CILK1: variants seen among roughly 807,000 people sequenced by gnomAD.
The protein encoded by CILK1 is ciliogenesis associated kinase 1.
In CILK1, 47 loss-of-function variants were observed where a neutral mutation model predicts 79.2. The ratio of observed to expected loss-of-function variants is 0.59; its 90% CI spans 0.47 to 0.76. The LOEUF (loss-of-function observed/expected upper bound fraction) is 0.76, where lower values mean the gene tolerates loss of function less well. CILK1 is among the 30% of genes least tolerant of loss of function. The probability of loss-of-function intolerance (pLI) is 0.00; values close to 1 mark genes in which losing one functional copy is unlikely to be tolerated. For synonymous variants in CILK1, 266 were observed against 275.9 expected (o/e 0.96, Z 0.36); for missense variants, 660 against 769.5 (o/e 0.86, Z 1.68).
intron 11 of CILK1, 33 bp from the exon 12 acceptor site, chr6:53,009,600 A>C: frequency 6.4e-7 from 1 of 1,553,446 alleles, no homozygotes; most frequent in Non-Finnish European, 8.9e-7. Flanking sequence ...AAAATGCAAA[A>C]TACACAATGA....
At chr6:53,031,354 C>T (rs1765949580) in intron 4 of CILK1, among the ~76,000 whole-genome samples, 2 of 152,152 alleles carry the variant, frequency 1.3e-5, no homozygotes, top group Admixed American at 1.3e-4. Flanking sequence ...AAAAAATCTC[C>T]TCTTTCCATG....
chr6:53,047,360 G>A (rs115488082), intron 1 of CILK1, among the ~76,000 whole-genome samples: 1 of 151,840 alleles, frequency 6.6e-6, no homozygotes, highest in South Asian at 2.1e-4. Context: ...CTGGAGTACA[G>A]TGGTGAAAAT....
chr6:53,013,873 G>C lies in CILK1; in HGVS notation c.941C>G (p.Pro314Arg). Reference sequence around the variant, plus strand: ...AGGTGGGACTGGCTTAATATAAGGAGGTGGGCCTGCCTTTTCCAGGATGCC... The same window carrying C: ...AGGTGGGACTGGCTTAATATAAGGACGTGGGCCTGCCTTTTCCAGGATGCC... ...QKGILEKAGP[P>R]PYIKPVPPAQ... Residue 314 changes from proline (P) to arginine (R), a missense_variant, in exon 9 of 14, where the codon CCT (proline) becomes CGT (arginine). By Grantham distance (103) the Pro-to-Arg change is moderately radical. Transcript: ENST00000676107. 1 of 1,614,106 alleles carries C rather than the reference G, an allele frequency of 6.2e-7. No homozygotes were observed. The highest frequency in any genetic ancestry group is 1.1e-5 in the South Asian group (1 of 91,082).
At chr6:53,045,188 AC>A (rs1249942635) in intron 1 of CILK1, among the ~76,000 whole-genome samples, 1 of 152,186 alleles carries the variant, frequency 6.6e-6, no homozygotes, top group Non-Finnish European at 1.5e-5. Context: ...ACTATCATAT[AC>A]CATGGTTCCT....
intron 3 of CILK1, among the ~76,000 whole-genome samples, chr6:53,035,537 T>C (rs1031633623): frequency 2.6e-5 from 4 of 152,252 alleles, no homozygotes; most frequent in South Asian, 2.1e-4. Context: ...ATTCCCCGCA[T>C]GACATCATGG....
chr6:53,032,023 G>A (rs1049805432), intron 4 of CILK1, among the ~76,000 whole-genome samples: 1 of 152,166 alleles, frequency 6.6e-6, no homozygotes, highest in African/African-American at 2.4e-5. Flanking sequence ...AGTAGAGACA[G>A]GGTTTCCCCA....
chr6:53,017,258 G>A (rs965992975), intron 7 of CILK1, among the ~76,000 whole-genome samples: 1 of 152,152 alleles, frequency 6.6e-6, no homozygotes, highest in African/African-American at 2.4e-5. Context: ...TGGGACCTGG[G>A]AAAATAAACA....
intron 5 of CILK1, among the ~76,000 whole-genome samples, chr6:53,027,904 T>C (rs939094031): frequency 1.3e-5 from 2 of 151,832 alleles, no homozygotes; most frequent in African/African-American, 4.8e-5. Context: ...TCCCAGCACT[T>C]TGGGAGGCCG....
At chr6:53,025,413 C>T (rs1391078531) in intron 5 of CILK1, among the ~76,000 whole-genome samples, 1 of 152,174 alleles carries the variant, frequency 6.6e-6, no homozygotes, top group East Asian at 1.9e-4. Flanking sequence ...CGTGCTCACA[C>T]TCCAGACCTC....
intron 5 of CILK1, among the ~76,000 whole-genome samples, chr6:53,021,478 C>T (rs1765240501): frequency 6.6e-6 from 1 of 152,168 alleles, no homozygotes; most frequent in Non-Finnish European, 1.5e-5. Flanking sequence ...TTTCCCTTGT[C>T]ACTCTCTCAT....
chr6:53,032,944 AC>A (rs1201329808), intron 3 of CILK1, among the ~76,000 whole-genome samples: 1 of 152,076 alleles, frequency 6.6e-6, no homozygotes, highest in Non-Finnish European at 1.5e-5. Flanking sequence ...TTTTGGGCCC[AC>A]CCCCTCCAGA....
intron 9 of CILK1, among the ~76,000 whole-genome samples, chr6:53,013,161 A>G (rs977857143): frequency 6.6e-6 from 1 of 152,250 alleles, no homozygotes; most frequent in African/African-American, 2.4e-5. Context: ...TTGATAAATG[A>G]GGAAACTGAA....
In CILK1 at chr6:53,013,723, A is replaced by G; in HGVS notation, c.1091T>C (p.Leu364Pro). 1 of 1,614,134 alleles carries G rather than the reference A, an allele frequency of 6.2e-7. No homozygotes were observed. The highest frequency in any genetic ancestry group is 8.5e-7 in the Non-Finnish European group (1 of 1,180,020). Residue 364 changes from leucine (L) to proline (P), a missense_variant, in exon 9 of 14, where the codon CTC becomes CCC. Transcript: ENST00000676107. ...EVSRTDHPSH[L>P]QEDKPSPLLF... ...CAACGGGCTTGGCTTGTCCTCCTGG[A>G]GATGGCTTGGGTGATCTGTCCTGGA...
chr6:53,043,344 AAAAT>A (rs1163379967), intron 1 of CILK1, among the ~76,000 whole-genome samples: 1 of 151,458 alleles, frequency 6.6e-6, no homozygotes, highest in Non-Finnish European at 1.5e-5. Flanking sequence ...ATTAAAAAAT[AAAAT>A]AAATAAATAA....
In CILK1 at chr6:53,032,194, G is replaced by T. The variant is rs367565489; in HGVS notation, c.278+339C>A. Among the ~76,000 whole-genome samples the T allele has an allele frequency of 3.9e-5, 6 of 152,286 alleles. No individual in the cohort carries two copies. The East Asian group carries it at 1.2e-3, about 29-fold the overall frequency. The stretch of plus-strand genomic sequence containing the variant: ...GAGAACAGCTTCTCTGAAGCTATCA[G>T]AGGGCCTCTAAAGTAGAAATATGGG... On this transcript the variant is annotated intron_variant, in intron 4 of 13. Coordinates refer to ENST00000676107, the MANE Select transcript of CILK1 (RefSeq NM_014920.5).
In CILK1 at chr6:53,032,561, C is replaced by T; in HGVS notation, c.250G>A (p.Glu84Lys). The change falls in exon 4 of 14, where the codon GAA becomes AAA. Residue 84 changes from glutamate to lysine, a missense_variant. Coordinates refer to ENST00000676107, the MANE Select transcript of CILK1 (RefSeq NM_014920.5). The stretch of plus-strand genomic sequence containing the variant: ...TCTTTAATGAGCTGGTAAAGATTTT[C>T]CTTCATGTACTCGAAGATAAAATAA... The part of the protein sequence containing the change: ...HLYFIFEYMK[E>K]NLYQLIKERN... 6.2e-7 allele frequency: 1 copy of T among 1,607,538 alleles called. No individual in the cohort carries two copies. The highest frequency in any genetic ancestry group is 2.2e-5 in the East Asian group (1 of 44,586).
Position 53,019,372 on chromosome 6 carries a change from T to C in CILK1, c.359-13A>G, listed in dbSNP as rs765947754. ...CGATGAAAGAAGCCTATAGAGACAG[T>C]AGAGGAGAAGAAATCCAAATGCAAG... On this transcript the variant is annotated splice_polypyrimidine_tract_variant and intron_variant, in intron 5 of 13. Coordinates refer to ENST00000676107, the MANE Select transcript of CILK1 (RefSeq NM_014920.5). The C allele has an allele frequency of 2.7e-4, 438 of 1,613,758 alleles. No homozygotes were observed. Among genetic ancestry groups the C allele is most frequent in the Non-Finnish European group, 3.5e-4 (412 of 1,179,826 alleles).
chr6:53,051,312 TC>T (rs2127465093), intron 1 of CILK1, among the ~76,000 whole-genome samples: 1 of 152,338 alleles, frequency 6.6e-6, no homozygotes, highest in South Asian at 2.1e-4. Flanking sequence ...TATATTAATT[TC>T]CCACAGCTGC....
intron 5 of CILK1, among the ~76,000 whole-genome samples, chr6:53,019,832 G>GTTTTTTTTTTT (rs11308649): frequency 7.1e-6 from 1 of 140,094 alleles, no homozygotes. Flanking sequence ...TAGTTTTTTT[G>GTTTTTTTTTTT]TTTTTTTTTT....
Sources: gnomAD v4.1 joint callset for allele counts (sites outside exome capture counted in the v4.1 genomes callset) on GRCh38, gnomAD v4.1.1 for gene constraint, MANE v1.5 for transcripts, NCBI Gene and HGNC (gene_info 2026-07-23, HGNC 2026-07-21) for gene names.